The following OPCML variants were observed in gnomAD, a reference collection of about 807,000 sequenced individuals.
The protein encoded by OPCML is opioid-binding protein/cell adhesion molecule.
Under a neutral mutation model 37.8 loss-of-function variants are expected in OPCML, and 13 were observed. The ratio of observed to expected loss-of-function variants is 0.34; its 90% CI spans 0.22 to 0.55. The LOEUF is 0.55. OPCML is among the 20% of genes least tolerant of loss of function. OPCML has a pLI of 0.91. For synonymous variants in OPCML, 176 were observed against 168.8 expected, an observed-to-expected ratio of 1.04 and a Z score of -0.33; for missense variants, 341 against 435.6, an observed-to-expected ratio of 0.78 and a Z score of 1.93.
At chr11:133,401,470 G>A (rs1046085218) in intron 1 of OPCML, among the ~76,000 whole-genome samples, 2 of 152,096 alleles carry the variant, frequency 1.3e-5, no homozygotes, top group African/African-American at 4.8e-5. Context: ...TATAATGGAG[G>A]AAACTGAGGC....
chr11:133,083,467 A>G (rs1948772585), intron 1 of OPCML, among the ~76,000 whole-genome samples: 1 of 152,226 alleles, frequency 6.6e-6, no homozygotes, highest in African/African-American at 2.4e-5. Context: ...GGGAAGGGCC[A>G]GAGAGGGGCC....
intron 3 of OPCML, among the ~76,000 whole-genome samples, chr11:132,638,594 A>G (rs769961109): frequency 6.6e-6 from 1 of 152,144 alleles, no homozygotes; most frequent in East Asian, 1.9e-4. Flanking sequence ...TTACTCTTAC[A>G]CATAACATCA....
chr11:132,593,778 T>C (rs565134479), intron 3 of OPCML, among the ~76,000 whole-genome samples: 56 of 152,288 alleles, frequency 3.7e-4, no homozygotes, highest in Admixed American at 1.4e-3. Flanking sequence ...CAATTAATGG[T>C]TACAACAAGC....
chr11:133,116,818 G>T (rs543119630), intron 1 of OPCML, among the ~76,000 whole-genome samples: 2 of 143,452 alleles, frequency 1.4e-5, no homozygotes, highest in Non-Finnish European at 3.0e-5. Flanking sequence ...ATATATATAT[G>T]TATGTATCTT....
rs191511009 is a variant in OPCML at position 133,317,530 on chromosome 11, G to C, written c.61+214734C>G. Among the ~76,000 whole-genome samples, 182 of 152,308 alleles carry C rather than the reference G, an allele frequency of 1.2e-3. 1 individual carries two copies. Among genetic ancestry groups the C allele is most frequent in the African/African-American group, 3.8e-3 (157 of 41,568 alleles). ...CCTTTTCCTTGGGCCCACTTGCTGA[G>C]AGGCAAGATGCTTTTATTCCTGCTT... On this transcript the variant is annotated intron_variant, in intron 1 of 7. Transcript: ENST00000524381.
intron 1 of OPCML, among the ~76,000 whole-genome samples, chr11:133,459,799 T>C (rs548852911): frequency 1.3e-5 from 2 of 152,164 alleles, no homozygotes; most frequent in Admixed American, 6.5e-5. Flanking sequence ...TCACTTTCAG[T>C]AATGGATAGA....
chr11:133,157,654 G>A (rs1047204885), intron 1 of OPCML, among the ~76,000 whole-genome samples: 2 of 152,090 alleles, frequency 1.3e-5, no homozygotes, highest in Non-Finnish European at 2.9e-5. Flanking sequence ...CTCACGGAGG[G>A]ATAAAGGAAG....
At chr11:132,581,407 C>T (rs1565682699) in intron 3 of OPCML, among the ~76,000 whole-genome samples, 2 of 152,174 alleles carry the variant, frequency 1.3e-5, no homozygotes. Flanking sequence ...TAACTGCTCT[C>T]CTATGTTTTG....
intron 2 of OPCML, among the ~76,000 whole-genome samples, chr11:132,694,014 C>G (rs1389841970): frequency 6.6e-6 from 1 of 151,964 alleles, no homozygotes; most frequent in Non-Finnish European, 1.5e-5. Context: ...AATTAGAATA[C>G]AAACCACACT....
intron 4 of OPCML, among the ~76,000 whole-genome samples, chr11:132,521,931 A>G (rs2096294941): frequency 6.6e-6 from 1 of 152,284 alleles, no homozygotes; most frequent in African/African-American, 2.4e-5. Context: ...TACCATAACA[A>G]TCAAGATACA....
chr11:133,286,776 G>C (rs1446471148), intron 1 of OPCML, among the ~76,000 whole-genome samples: 4 of 152,064 alleles, frequency 2.6e-5, no homozygotes, highest in Non-Finnish European at 5.9e-5. Context: ...TGAATAAAAG[G>C]AACAACATTG....
At chr11:133,456,476 T>TA (rs145927923) in intron 1 of OPCML, among the ~76,000 whole-genome samples, 20,772 of 145,290 alleles carry the variant, frequency 0.14, 3,288 homozygotes, top group African/African-American at 0.4. Flanking sequence ...TCACAAGACA[T>TA]AAAAAAAAAA....
chr11:133,361,849 C>T (rs1326621616), intron 1 of OPCML: 2 of 152,514 alleles, frequency 1.3e-5, no homozygotes, highest in South Asian at 2.1e-4. Context: ...GCTCAGCATG[C>T]GGGACAGCAG....
chr11:132,980,868 A>G (rs1946566388), intron 1 of OPCML, among the ~76,000 whole-genome samples: 2 of 152,362 alleles, frequency 1.3e-5, no homozygotes, highest in Non-Finnish European at 2.9e-5. Context: ...TTCACAGCAC[A>G]TACAGTCCCG....
chr11:133,188,406 G>T (rs1490975413), intron 1 of OPCML, among the ~76,000 whole-genome samples: 1 of 152,106 alleles, frequency 6.6e-6, no homozygotes, highest in Non-Finnish European at 1.5e-5. Flanking sequence ...TGGGGAAAAC[G>T]ATTAAAGTCT....
intron 4 of OPCML, among the ~76,000 whole-genome samples, chr11:132,512,308 C>T (rs1247170076): frequency 2.6e-5 from 4 of 152,060 alleles, no homozygotes; most frequent in East Asian, 3.9e-4. Context: ...CTTTTTGTAA[C>T]GTTAAGTATA....
chr11:133,200,464 T>A (rs1466224640), intron 1 of OPCML, among the ~76,000 whole-genome samples: 1 of 152,194 alleles, frequency 6.6e-6, no homozygotes, highest in African/African-American at 2.4e-5. Flanking sequence ...ATCTCCACCC[T>A]CAGCAATCTC....
At chr11:132,974,416 G>C (rs1456496340) in intron 1 of OPCML, among the ~76,000 whole-genome samples, 1 of 152,068 alleles carries the variant, frequency 6.6e-6, no homozygotes, top group Non-Finnish European at 1.5e-5. Flanking sequence ...CATCATCACT[G>C]GTCATCAGAG....
chr11:132,704,585 AT>A (rs1386093962), intron 2 of OPCML, among the ~76,000 whole-genome samples: 2 of 152,248 alleles, frequency 1.3e-5, no homozygotes, highest in African/African-American at 4.8e-5. Context: ...AAATGTATAC[AT>A]TTAGTTTCTC....
Sources: allele counts gnomAD v4.1 joint callset (sites outside exome capture counted in the v4.1 genomes callset), GRCh38; gene constraint gnomAD v4.1.1; transcripts MANE v1.5; gene names NCBI Gene and HGNC (gene_info 2026-07-23, HGNC 2026-07-21).